Variants in DLG2 observed in about 807,000 individuals in gnomAD.
DLG2 encodes disks large homolog 2.
A neutral mutation model predicts 132.5 loss-of-function variants in DLG2; 45 were observed. The ratio of observed to expected loss-of-function variants is 0.34; its 90% CI spans 0.27 to 0.44. The LOEUF (loss-of-function observed/expected upper bound fraction) is 0.44. DLG2 is among the 20% of genes least tolerant of loss of function. DLG2 has a pLI of 1.00. For synonymous variants in DLG2, 424 were observed against 419.6 expected, an observed-to-expected ratio of 1.01 and a Z score of -0.13; for missense variants, 1,045 against 1,196.9, an observed-to-expected ratio of 0.87 and a Z score of 1.87.
intron 6 of DLG2, among the ~76,000 whole-genome samples, chr11:84,791,840 T>C (rs1299437741): frequency 6.6e-6 from 1 of 152,200 alleles, no homozygotes; most frequent in African/African-American, 2.4e-5. Flanking sequence ...GGTGGAGTCA[T>C]TTGGTTTTTC....
chr11:83,497,540 C>CA (rs1555109275), intron 21 of DLG2, among the ~76,000 whole-genome samples: 1 of 83,348 alleles, frequency 1.2e-5, no homozygotes, highest in African/African-American at 3.5e-5. Flanking sequence ...GTCTCAAAAA[C>CA]AAAAAACAAA....
rs113436905 is a variant in DLG2, at chr11:84,934,504, G to GTTTTTTTTTTTTTTT, written c.357+177156_357+177157insAAAAAAAAAAAAAAA. 2.1e-4 allele frequency among the ~76,000 whole-genome samples: 7 copies of GTTTTTTTTTTTTTTT among 33,882 alleles called. 1 individual carries two copies. The highest frequency in any genetic ancestry group is 3.0e-4 in the Non-Finnish European group (6 of 20,080). 22.2% of individuals were successfully genotyped at this position (33,882 alleles called of 152,430 possible). ...TCTGTGAATCTGTATGGTCCTGGGT[G>GTTTTTTTTTTTTTTT]TTTTTTTTTTGTTTTGTTTTGTTTT... On this transcript the variant is annotated intron_variant, in intron 6 of 27. Coordinates refer to ENST00000376104, the MANE Select transcript of DLG2 (RefSeq NM_001142699.3).
intron 9 of DLG2, among the ~76,000 whole-genome samples, chr11:84,112,678 C>G (rs945407568): frequency 1.3e-5 from 2 of 152,116 alleles, no homozygotes; most frequent in African/African-American, 4.8e-5. Flanking sequence ...AAAATGGTAA[C>G]ATGCGATTAA....
intron 11 of DLG2, among the ~76,000 whole-genome samples, chr11:84,015,941 C>T (rs190380127): frequency 6.6e-6 from 1 of 152,180 alleles, no homozygotes; most frequent in Non-Finnish European, 1.5e-5. Flanking sequence ...GGCCCTAGGT[C>T]TTTGAGGAAT....
chr11:84,108,600 G>A (rs767443510), intron 9 of DLG2, among the ~76,000 whole-genome samples: 32 of 152,084 alleles, frequency 2.1e-4, no homozygotes, highest in Admixed American at 4.6e-4. Context: ...GACCAGAATA[G>A]CTATGCAGTG....
chr11:85,006,465 G>A (rs2058669321), intron 6 of DLG2, among the ~76,000 whole-genome samples: 1 of 152,086 alleles, frequency 6.6e-6, no homozygotes, highest in Admixed American at 6.5e-5. Flanking sequence ...GAAGGTATAT[G>A]TGTCCAGCAA....
intron 5 of DLG2, among the ~76,000 whole-genome samples, chr11:85,118,869 T>G (rs2073976079): frequency 6.6e-6 from 1 of 151,924 alleles, no homozygotes; most frequent in African/African-American, 2.4e-5. Flanking sequence ...AAGGAATTAT[T>G]GTAAGGATTA....
rs191356656 is a variant in DLG2, at chr11:83,643,417, T to C, written c.1826-10092A>G. ...AAGTGCCAGAGTGTGGATGCACAAA[T>C]TGTAGTTTAATTGGTGTGATTTATA... is the stretch of plus-strand genomic sequence containing the variant. On this transcript the variant is annotated intron_variant, in intron 18 of 27. Transcript: ENST00000376104. 6.6e-5 allele frequency among the ~76,000 whole-genome samples: 10 copies of C among 152,272 alleles called. No homozygotes were observed. The East Asian group carries it at 1.9e-3, about 29-fold the overall frequency.
chr11:85,558,502 G>A, intron 3 of DLG2, among the ~76,000 whole-genome samples: 1 of 151,760 alleles, frequency 6.6e-6, no homozygotes, highest in Non-Finnish European at 1.5e-5. Context: ...CATGCTCATT[G>A]CAGAGATATT....
chr11:84,035,347 A>G (rs1177001249), intron 11 of DLG2, among the ~76,000 whole-genome samples: 1 of 152,200 alleles, frequency 6.6e-6, no homozygotes, highest in Non-Finnish European at 1.5e-5. Context: ...CCTAGAGCTT[A>G]TATTCTAGTG....
At chr11:83,884,830 C>CAAACAGGGT (rs1438141752) in intron 15 of DLG2, among the ~76,000 whole-genome samples, 15 of 152,202 alleles carry the variant, frequency 9.9e-5, no homozygotes, top group African/African-American at 3.6e-4. Context: ...GGTACCCAGG[C>CAAACAGGGT]AAACAGGGTC....
chr11:83,523,350 T>C (rs1400637927), intron 21 of DLG2, among the ~76,000 whole-genome samples: 1 of 152,204 alleles, frequency 6.6e-6, no homozygotes, highest in Admixed American at 6.5e-5. Flanking sequence ...CCACATATTA[T>C]ACAACTCCTA....
At chr11:83,901,758 C>A (rs557844895) in intron 15 of DLG2, among the ~76,000 whole-genome samples, 22 of 152,264 alleles carry the variant, frequency 1.4e-4, no homozygotes, top group African/African-American at 4.8e-4. Context: ...CATAGTGTAG[C>A]AAAGACAAAG....
In DLG2 at chr11:83,509,914, A is replaced by G. The variant is rs533141201; in HGVS notation, c.2193+22794T>C. On this transcript the variant is annotated intron_variant, in intron 21 of 27. Transcript: ENST00000376104. ...AGCGCGTAGTATGGAGGCTCACACT[A>G]GGGGACGGAATATAGCTGTGAACTA... is the stretch of plus-strand genomic sequence containing the variant. Among the ~76,000 whole-genome samples, 60 of 152,236 alleles carry G rather than the reference A, an allele frequency of 3.9e-4. 1 individual carries two copies. In the South Asian group the frequency reaches 9.5e-3, roughly 24 times the overall value.
In DLG2 at chr11:85,424,195, G is replaced by C. The variant is rs184992129; in HGVS notation, c.41-138830C>G. On this transcript the variant is annotated intron_variant, in intron 3 of 27. Coordinates refer to ENST00000376104, the MANE Select transcript of DLG2 (RefSeq NM_001142699.3). The stretch of plus-strand genomic sequence containing the variant: ...TCAAGGCCTTCAGTTTCCCTAGCTG[G>C]GGGGTGTGTTCAAGGGTGGATGATC... Among the ~76,000 whole-genome samples the C allele has an allele frequency of 8.8e-3, 1,347 of 152,288 alleles. 22 individuals are homozygous for C. The highest frequency in any genetic ancestry group is 0.031 in the African/African-American group (1,271 of 41,550).
At chr11:85,598,926 C>T in intron 2 of DLG2, 138 bp from the exon 3 acceptor site, 1 of 365,330 alleles carries the variant, frequency 2.7e-6, no homozygotes, top group Non-Finnish European at 4.8e-6. Flanking sequence ...TATAAACTAC[C>T]ATATGAAAAT....
chr11:83,465,633 T>A (rs1355318628), intron 26 of DLG2, among the ~76,000 whole-genome samples: 1 of 152,210 alleles, frequency 6.6e-6, no homozygotes, highest in Non-Finnish European at 1.5e-5. Context: ...TATAATGAAG[T>A]AATTTTATAT....
chr11:84,742,413 G>C (rs2064804162), intron 6 of DLG2, among the ~76,000 whole-genome samples: 1 of 152,130 alleles, frequency 6.6e-6, no homozygotes, highest in South Asian at 2.1e-4. Context: ...AAAGTGTCAA[G>C]TCACATATAA....
intron 10 of DLG2, among the ~76,000 whole-genome samples, chr11:84,078,838 A>T (rs748019002): frequency 1.9e-4 from 29 of 152,192 alleles, no homozygotes; most frequent in Non-Finnish European, 2.8e-4. Context: ...TCCCAGTCAG[A>T]TCTCTCAGAG....
Sources: allele counts gnomAD v4.1 joint callset (sites outside exome capture counted in the v4.1 genomes callset), GRCh38; gene constraint gnomAD v4.1.1; transcripts MANE v1.5; gene names NCBI Gene and HGNC (gene_info 2026-07-23, HGNC 2026-07-21).